The following ARHGEF2 variants were observed in gnomAD, a reference collection of about 807,000 sequenced individuals.
The protein encoded by ARHGEF2 is Rho/Rac guanine nucleotide exchange factor 2.
Under a neutral mutation model 121.0 loss-of-function variants are expected in ARHGEF2, and 22 were observed. The observed-to-expected ratio is 0.18, with a 90% CI of 0.13 to 0.26. ARHGEF2 has a LOEUF of 0.26. ARHGEF2 is among the 10% of genes least tolerant of loss of function. The pLI is 1.00. For synonymous variants in ARHGEF2, 487 were observed against 530.0 expected, an observed-to-expected ratio of 0.92 and a Z score of 1.11; for missense variants, 907 against 1,336.0, an observed-to-expected ratio of 0.68 and a Z score of 5.01.
chr1:155,957,603 C>T, intron 13 of ARHGEF2, 110 bp downstream of exon 13: 2 of 1,293,118 alleles, frequency 1.5e-6, no homozygotes, highest in South Asian at 1.5e-5. Flanking sequence ...TCAACCTCTT[C>T]CCCCACCTCT....
At chr1:155,971,828 G>A (rs1405824548) in intron 1 of ARHGEF2, among the ~76,000 whole-genome samples, 2 of 151,286 alleles carry the variant, frequency 1.3e-5, no homozygotes, top group Admixed American at 1.3e-4. Context: ...TGGGAGGATC[G>A]CTTGAGGCCA....
At chr1:155,970,211 T>C (rs1189029415) in intron 1 of ARHGEF2, 2 of 985,358 alleles carry the variant, frequency 2.0e-6, no homozygotes, top group Admixed American at 6.2e-5. Context: ...CATCCTTCAG[T>C]GTTGATCTCC....
intron 3 of ARHGEF2, 45 bp downstream of exon 3, chr1:155,966,775 C>G (rs768327173): frequency 3.3e-6 from 5 of 1,523,674 alleles, no homozygotes; most frequent in South Asian, 2.2e-5. Context: ...GTACCGCACA[C>G]TCACTACCCT....
chr1:155,971,362 G>A (rs1680419852), intron 1 of ARHGEF2, among the ~76,000 whole-genome samples: 1 of 151,826 alleles, frequency 6.6e-6, no homozygotes. Context: ...TGGATTACCT[G>A]AGGTCAGGAG....
Position 155,950,232 on chromosome 1 carries a change from C to T in ARHGEF2, c.2887+67G>A, listed in dbSNP as rs754300617. On this transcript the variant is annotated intron_variant, in intron 21 of 21. Coordinates refer to ENST00000361247, the MANE Select transcript of ARHGEF2 (RefSeq NM_001162383.2). The surrounding 1 kb of genome is among the most constrained non-coding windows in gnomAD (Gnocchi z 5.2). ...AGGTCAGTTAGGGCCCATTTGGAAG[C>T]CACAGCCCAATGGCCTGTACCCAGG... is the stretch of plus-strand genomic sequence containing the variant. 1.2e-5 allele frequency: 19 copies of T among 1,568,426 alleles called. No individual in the cohort carries two copies. Among genetic ancestry groups the T allele is most frequent in the Middle Eastern group, 2.3e-4 (1 of 4,314 alleles).
In ARHGEF2 at chr1:155,961,426, C is replaced by G. The variant is rs547716664; in HGVS notation, c.1468+235G>C. ...AGTAGCTGGGACTATAGGCGCCCAC[C>G]ACCACGCCCGGCGAATTTTTTGTAT... On this transcript the variant is annotated intron_variant, in intron 11 of 21. Coordinates refer to ENST00000361247, the MANE Select transcript of ARHGEF2 (RefSeq NM_001162383.2). The surrounding 1 kb of genome is among the most constrained non-coding windows in gnomAD (Gnocchi z 4.7). Among the ~76,000 whole-genome samples, 6 of 152,222 alleles carry G rather than the reference C, an allele frequency of 3.9e-5. No homozygotes were observed. The highest frequency in any genetic ancestry group is 2.1e-4 in the South Asian group (1 of 4,828).
Position 155,978,537 on chromosome 1 carries a change from A to G in ARHGEF2, c.-110T>C, listed in dbSNP as rs576429408. The G allele has an allele frequency of 1.8e-5, 23 of 1,277,230 alleles. No individual in the cohort carries two copies. The African/African-American group carries it at 2.9e-4, about 16-fold the overall frequency. 79.1% of individuals were successfully genotyped at this position (1,277,230 alleles called of 1,614,324 possible). On this transcript the variant is annotated 5_prime_UTR_variant, in exon 1 of 22. Transcript: ENST00000361247. The surrounding 1 kb of genome is among the most constrained non-coding windows in gnomAD (Gnocchi z 4.1). ...CGCACGCGTTGGTCTCGGGGACAGG[A>G]AGTCTGACTCCCCTCGCCCGGCACC...
chr1:155,978,421 G>C lies in ARHGEF2; in HGVS notation c.7C>G (p.Arg3Gly). Residue 3 changes from arginine (R) to glycine (G), a missense_variant, in exon 1 of 22, where the codon CGG becomes GGG. Physicochemically the swap from Arg to Gly is moderately radical, Grantham distance 125. Coordinates refer to ENST00000361247, the MANE Select transcript of ARHGEF2 (RefSeq NM_001162383.2). This position sits in a 1 kb window ranked among gnomAD's most constrained non-coding sequence, Gnocchi z 4.1. The part of the protein sequence containing the change: MS[R>G]IESLTRARID... ...CGCGCCCGCGTGAGGGATTCGATCCGAGACATAATCGGACGGGGGGACCAG... is the reference window on the plus strand; with the variant it reads ...CGCGCCCGCGTGAGGGATTCGATCCCAGACATAATCGGACGGGGGGACCAG... 2.0e-6 allele frequency: 3 copies of C among 1,507,750 alleles called. No individual in the cohort carries two copies. Among genetic ancestry groups the C allele is most frequent in the Non-Finnish European group, 2.7e-6 (3 of 1,116,734 alleles). The allele number at this position is 1,507,750 out of a possible 1,614,324, so 93.4% of individuals were successfully genotyped here. A position where few individuals can be genotyped will look rare whatever the true frequency, so the allele number is the denominator to read the frequency against.
intron 1 of ARHGEF2, among the ~76,000 whole-genome samples, chr1:155,977,186 C>T (rs1161770102): frequency 6.6e-6 from 1 of 152,092 alleles, no homozygotes; most frequent in Non-Finnish European, 1.5e-5. Flanking sequence ...GAGATTAAAC[C>T]AACTCTGGGC....
intron 16 of ARHGEF2, 38 bp from the exon 17 acceptor site, chr1:155,952,024 C>G (rs200090448): frequency 6.2e-7 from 1 of 1,614,036 alleles, no homozygotes; most frequent in East Asian, 2.2e-5. Flanking sequence ...AGCTCACTTC[C>G]CTGGGGCCCT....
At chr1:155,969,813 G>A in intron 1 of ARHGEF2, 8 of 986,936 alleles carry the variant, frequency 8.1e-6, no homozygotes, top group Non-Finnish European at 9.6e-6. Context: ...AGTGGGGGGG[G>A]CAGGAGATCC....
Position 155,965,515 on chromosome 1 carries a change from C to A in ARHGEF2, c.471-103G>T. The A allele has an allele frequency of 1.2e-6, 2 of 1,604,370 alleles. No individual in the cohort carries two copies. Among genetic ancestry groups the A allele is most frequent in the Non-Finnish European group, 1.7e-6 (2 of 1,172,606 alleles). ...ATCCAAGAGGCGGTCCCCCTAAGTT[C>A]TCCTTATTTGTCTGTCTACAGTTCT... On this transcript the variant is annotated intron_variant, in intron 5 of 21. Coordinates refer to ENST00000361247, the MANE Select transcript of ARHGEF2 (RefSeq NM_001162383.2). This position sits in a 1 kb window ranked among gnomAD's most constrained non-coding sequence, Gnocchi z 6.0.
chr1:155,969,963 A>T, intron 1 of ARHGEF2: 1 of 985,354 alleles, frequency 1.0e-6, no homozygotes, highest in Non-Finnish European at 1.2e-6. Context: ...CATGTCCCCT[A>T]CTAACCTTGA....
chr1:155,973,498 C>T (rs961518581), intron 1 of ARHGEF2, among the ~76,000 whole-genome samples: 2 of 152,162 alleles, frequency 1.3e-5, no homozygotes, highest in Admixed American at 6.5e-5. Context: ...ATAATCCTAA[C>T]ACTTTGAGAG....
In ARHGEF2 at chr1:155,958,305, G is replaced by T. The variant is rs775991803; in HGVS notation, c.1545+15C>A. 2 of 1,604,650 alleles carry T rather than the reference G, an allele frequency of 1.2e-6. No individual in the cohort carries two copies. Among genetic ancestry groups the T allele is most frequent in the Non-Finnish European group, 1.7e-6 (2 of 1,171,582 alleles). ...ACTTGTCTGTGCTGAGAAAGGTGAA[G>T]AATGAATGTCTCACCAGGGTAGGAA... On this transcript the variant is annotated intron_variant, in intron 12 of 21. Transcript: ENST00000361247.
rs1254915342 is a variant in ARHGEF2 at position 155,961,302 on chromosome 1, T to A, written c.1468+359A>T. On this transcript the variant is annotated intron_variant, in intron 11 of 21. Transcript: ENST00000361247. This position sits in a 1 kb window ranked among gnomAD's most constrained non-coding sequence, Gnocchi z 4.7. ...TTTTTTTTTTTTTTTTGAGATGGAGTCTTGCTGTGTCACCCAGGCTAGAGT... is the reference window on the plus strand; with the variant it reads ...TTTTTTTTTTTTTTTTGAGATGGAGACTTGCTGTGTCACCCAGGCTAGAGT... Among the ~76,000 whole-genome samples, 9 of 142,192 alleles carry A rather than the reference T, an allele frequency of 6.3e-5. No homozygotes were observed. The highest frequency in any genetic ancestry group is 9.1e-5 in the Non-Finnish European group (6 of 65,888). 93.3% of individuals were successfully genotyped at this position (142,192 alleles called of 152,430 possible).
intron 21 of ARHGEF2, among the ~76,000 whole-genome samples, chr1:155,949,452 T>C (rs1674944601): frequency 6.8e-6 from 1 of 148,120 alleles, no homozygotes; most frequent in Non-Finnish European, 1.5e-5. Context: ...TGGAGGCATG[T>C]GCCTGTAGTC....
In ARHGEF2 at chr1:155,962,208, G is replaced by T; in HGVS notation, c.1116C>A (p.Pro372=). Residue 372 remains proline (P), a synonymous_variant, in exon 10 of 22, where the codon CCC becomes CCA. Transcript: ENST00000361247. The surrounding 1 kb of genome is among the most constrained non-coding windows in gnomAD (Gnocchi z 5.8). The part of the protein sequence containing the change: ...FQQFIRKVTR[P]AVLKRHGVQE... ...GTACCCCGTGCCGCTTGAGCACGGCGGGGCGGGTCACTTTCTACAAGGGAG... is the reference window on the plus strand; with the variant it reads ...GTACCCCGTGCCGCTTGAGCACGGCTGGGCGGGTCACTTTCTACAAGGGAG... 6.2e-7 allele frequency: 1 copy of T among 1,614,050 alleles called. No individual in the cohort carries two copies. Among genetic ancestry groups the T allele is most frequent in the Middle Eastern group, 1.7e-4 (1 of 6,060 alleles).
intron 7 of ARHGEF2, among the ~76,000 whole-genome samples, chr1:155,964,672 C>A (rs1011762292): frequency 6.6e-6 from 1 of 151,998 alleles, no homozygotes; most frequent in Non-Finnish European, 1.5e-5. Context: ...GTAATCCCAG[C>A]ACTTTGGGAG....
Sources: allele counts gnomAD v4.1 joint callset (sites outside exome capture counted in the v4.1 genomes callset), GRCh38; gene constraint gnomAD v4.1.1; non-coding constraint Gnocchi (gnomAD v3.1); transcripts MANE v1.5; gene names NCBI Gene and HGNC (gene_info 2026-07-23, HGNC 2026-07-21).